Variants in ST8SIA4 observed in about 807,000 individuals in gnomAD.
ST8SIA4 encodes the protein CMP-N-acetylneuraminate-poly-alpha-2,8-sialyltransferase.
Under a neutral mutation model 33.9 loss-of-function variants are expected in ST8SIA4, and 15 were observed. That is an observed-to-expected ratio of 0.44 (90% CI 0.30 to 0.68). The LOEUF is 0.68. Ranked by LOEUF, ST8SIA4 falls within the 30% of genes least tolerant of loss-of-function variation. The pLI, the probability that ST8SIA4 is intolerant of heterozygous loss-of-function variation, is 0.10. For missense variants in ST8SIA4, 321 were observed against 428.0 expected (o/e 0.75, Z 2.21); for synonymous variants, 171 against 151.2 (o/e 1.13, Z -0.96).
At chr5:100,825,288 A>AT (rs979947004) in intron 4 of ST8SIA4, among the ~76,000 whole-genome samples, 2 of 152,122 alleles carry the variant, frequency 1.3e-5, no homozygotes, top group African/African-American at 4.8e-5. Flanking sequence ...TTAATTATTT[A>AT]TTTTTTGGAA....
At position 100,812,088 on chromosome 5, in the gene ST8SIA4, G is replaced by C; in HGVS notation, c.839C>G (p.Thr280Arg). 1 of 1,613,282 alleles carries C rather than the reference G, an allele frequency of 6.2e-7. No individual in the cohort carries two copies. Among genetic ancestry groups the C allele is most frequent in the Non-Finnish European group, 8.5e-7 (1 of 1,179,786 alleles). The change falls in exon 5 of 5, where the codon ACA becomes AGA. Residue 280 changes from threonine to arginine, a missense_variant. Transcript: ENST00000231461. ...GGCAAGTGTATACATGAGAAGACCT[G>C]TGCTGGGTCTTTTGATAGGAACTTT... The part of the protein sequence containing the change: ...TNKVPIKRPS[T>R]GLLMYTLATR...
At chr5:100,857,359 C>A (rs1161623973) in intron 3 of ST8SIA4, among the ~76,000 whole-genome samples, 1 of 151,374 alleles carries the variant, frequency 6.6e-6, no homozygotes, top group Non-Finnish European at 1.5e-5. Flanking sequence ...CCTTTTTATA[C>A]CTGATTTTAA....
chr5:100,826,813 ATAACAT>A (rs977209983), intron 4 of ST8SIA4, among the ~76,000 whole-genome samples: 3 of 151,986 alleles, frequency 2.0e-5, no homozygotes, highest in African/African-American at 7.2e-5. Flanking sequence ...GAATAGTTAT[ATAACAT>A]GTATAGTTAT....
chr5:100,897,388 C>T (rs747284549), intron 1 of ST8SIA4, among the ~76,000 whole-genome samples: 11 of 152,094 alleles, frequency 7.2e-5, no homozygotes, highest in Non-Finnish European at 1.6e-4. Context: ...AATGTAAACC[C>T]AGACTCAGAA....
rs1348896989 is a variant in ST8SIA4, at chr5:100,811,922, T to C, written c.1005A>G (p.Leu335=). ...FSNASPHRMP[L]EFKTLNVLHN... The stretch of plus-strand genomic sequence containing the variant: ...GTAGCACATTTAATGTTTTGAATTC[T>C]AATGGCATTCTGTGAGGGCTTGCAT... Residue 335 remains leucine (L), a synonymous_variant, in exon 5 of 5, where the codon TTA becomes TTG. Transcript: ENST00000231461. The C allele has an allele frequency of 2.5e-6, 4 of 1,614,016 alleles. No individual in the cohort carries two copies. Among genetic ancestry groups the C allele is most frequent in the Non-Finnish European group, 3.4e-6 (4 of 1,179,962 alleles).
At chr5:100,870,049 A>G (rs751977237) in intron 3 of ST8SIA4, among the ~76,000 whole-genome samples, 3 of 152,000 alleles carry the variant, frequency 2.0e-5, no homozygotes, top group Non-Finnish European at 2.9e-5. Context: ...CCCTGTGTCC[A>G]AGTGATCTCA....
chr5:100,841,790 G>T (rs1208599650), intron 4 of ST8SIA4, among the ~76,000 whole-genome samples: 1 of 151,812 alleles, frequency 6.6e-6, no homozygotes, highest in Non-Finnish European at 1.5e-5. Context: ...ATACTGTTTG[G>T]AATCTCTTCT....
intron 3 of ST8SIA4, among the ~76,000 whole-genome samples, chr5:100,870,115 C>T (rs569557909): frequency 1.1e-3 from 173 of 152,164 alleles, no homozygotes; most frequent in African/African-American, 3.7e-3. Flanking sequence ...TCTGTCCTTG[C>T]GATAGTTTAC....
At chr5:100,884,231 GA>G (rs2112470339) in intron 3 of ST8SIA4, among the ~76,000 whole-genome samples, 1 of 152,272 alleles carries the variant, frequency 6.6e-6, no homozygotes, top group South Asian at 2.1e-4. Flanking sequence ...AACATAAAAG[GA>G]AGAGAAAATA....
intron 4 of ST8SIA4, among the ~76,000 whole-genome samples, chr5:100,847,566 A>G (rs1177388203): frequency 6.6e-6 from 1 of 152,090 alleles, no homozygotes; most frequent in Non-Finnish European, 1.5e-5. Context: ...GAGAAATGAT[A>G]TTTTTGTTAG....
At position 100,895,702 on chromosome 5, in the gene ST8SIA4, T is replaced by G. The variant is rs1752764823; in HGVS notation, c.197A>C (p.His66Pro). The G allele has an allele frequency of 6.2e-7, 1 of 1,612,838 alleles. No individual in the cohort carries two copies. Among genetic ancestry groups the G allele is most frequent in the Non-Finnish European group, 8.5e-7 (1 of 1,179,164 alleles). ...ATTGATTTTCCAACCTTCTACATTG[T>G]GCTGGAAGATTGAAGAGCCAGCCTT... ...IRKAGSSIFQHNVEGWKINSS... is the reference protein window; with the variant it reads ...IRKAGSSIFQPNVEGWKINSS... Residue 66 changes from histidine to proline, a missense_variant, in exon 2 of 5, where the codon CAC (histidine) becomes CCC (proline). Coordinates refer to ENST00000231461, the MANE Select transcript of ST8SIA4 (RefSeq NM_005668.6).
At chr5:100,826,480 C>CA (rs976463307) in intron 4 of ST8SIA4, among the ~76,000 whole-genome samples, 20 of 147,942 alleles carry the variant, frequency 1.4e-4, no homozygotes, top group South Asian at 2.1e-4. Context: ...TACTTGGGGC[C>CA]AAAAAAAAAT....
chr5:100,816,862 T>A (rs1750930806), intron 4 of ST8SIA4, among the ~76,000 whole-genome samples: 1 of 152,096 alleles, frequency 6.6e-6, no homozygotes, highest in African/African-American at 2.4e-5. Context: ...GAAGTCTATG[T>A]CAAGGGTTAA....
chr5:100,884,855 T>C (rs1752502645), intron 3 of ST8SIA4, among the ~76,000 whole-genome samples: 1 of 152,204 alleles, frequency 6.6e-6, no homozygotes, highest in Non-Finnish European at 1.5e-5. Flanking sequence ...GGGCTAAATC[T>C]AACAACTTGG....
At chr5:100,870,384 G>T (rs1295319730) in intron 3 of ST8SIA4, among the ~76,000 whole-genome samples, 2 of 152,088 alleles carry the variant, frequency 1.3e-5, no homozygotes, top group Non-Finnish European at 2.9e-5. Flanking sequence ...TAATCATTCA[G>T]ATGTACAGTG....
At chr5:100,900,316 T>C in intron 1 of ST8SIA4, 1 of 429,136 alleles carries the variant, frequency 2.3e-6, no homozygotes, top group Admixed American at 2.5e-5. Flanking sequence ...CTTGGTTACC[T>C]CACTTGAATA....
chr5:100,826,352 C>A (rs567474291), intron 4 of ST8SIA4, among the ~76,000 whole-genome samples: 1 of 152,146 alleles, frequency 6.6e-6, no homozygotes, highest in East Asian at 1.9e-4. Context: ...GTTGATTCAT[C>A]AAAACAAAGC....
chr5:100,882,425 T>G (rs572153100), intron 3 of ST8SIA4, among the ~76,000 whole-genome samples: 1 of 152,272 alleles, frequency 6.6e-6, no homozygotes, highest in South Asian at 2.1e-4. Flanking sequence ...GCACTCAGTT[T>G]TAGAAGAGAA....
At chr5:100,856,540 T>C (rs1751817393) in intron 3 of ST8SIA4, 144 bp from the exon 4 acceptor site, 1 of 788,760 alleles carries the variant, frequency 1.3e-6, no homozygotes, top group African/African-American at 1.8e-5. Context: ...TTGGTAAGAT[T>C]ACATTTTCAA....
Sources: gnomAD v4.1 joint callset for allele counts (sites outside exome capture counted in the v4.1 genomes callset) on GRCh38, gnomAD v4.1.1 for gene constraint, MANE v1.5 for transcripts, NCBI Gene and HGNC (gene_info 2026-07-23, HGNC 2026-07-21) for gene names.